The following APBB2 variants were observed in gnomAD, a reference collection of about 807,000 sequenced individuals.
The protein encoded by APBB2 is amyloid beta precursor protein binding family B member 2.
Under a neutral mutation model 82.5 loss-of-function variants are expected in APBB2, and 38 were observed. That is an observed-to-expected ratio of 0.46 (90% CI 0.36 to 0.60). The LOEUF is 0.60. APBB2 is among the 20% of genes least tolerant of loss of function. The pLI, the probability that APBB2 is intolerant of heterozygous loss-of-function variation, is 0.00. For missense variants in APBB2, 772 were observed against 972.3 expected (o/e 0.79, Z 2.74); for synonymous variants, 341 against 368.2 (o/e 0.93, Z 0.85).
At chr4:41,175,334 C>T (rs1769453151) in intron 1 of APBB2, among the ~76,000 whole-genome samples, 1 of 152,242 alleles carries the variant, frequency 6.6e-6, no homozygotes, top group South Asian at 2.1e-4. Context: ...TTTCAAAGTA[C>T]ACATTTAGAA....
intron 6 of APBB2, among the ~76,000 whole-genome samples, chr4:40,961,667 TAAA>T (rs60942744): frequency 0.075 from 5,048 of 67,668 alleles, 13 homozygotes; most frequent in East Asian, 0.15. Flanking sequence ...AAAAAAGATG[TAAA>T]AAAAAAAAAA....
intron 2 of APBB2, among the ~76,000 whole-genome samples, chr4:41,137,737 A>G (rs928321651): frequency 2.0e-5 from 3 of 152,208 alleles, no homozygotes; most frequent in African/African-American, 7.2e-5. Context: ...TTTCTACAAA[A>G]AAAGTCAAGT....
chr4:41,201,029 AG>A (rs1406741176), intron 1 of APBB2, among the ~76,000 whole-genome samples: 9 of 152,228 alleles, frequency 5.9e-5, no homozygotes, highest in African/African-American at 2.2e-4. Flanking sequence ...AGATTATAAC[AG>A]TATCTACCTC....
chr4:40,876,841 T>A (rs1424771076), intron 12 of APBB2, among the ~76,000 whole-genome samples: 1 of 152,268 alleles, frequency 6.6e-6, no homozygotes, highest in African/African-American at 2.4e-5. Context: ...TGGTTCCTTT[T>A]CACTGCTGTG....
chr4:41,022,725 G>T (rs1712163803), intron 5 of APBB2, among the ~76,000 whole-genome samples: 1 of 152,190 alleles, frequency 6.6e-6, no homozygotes, highest in African/African-American at 2.4e-5. Flanking sequence ...AATGTTTGGA[G>T]AATAAATCCT....
intron 2 of APBB2, among the ~76,000 whole-genome samples, chr4:41,140,964 GTAA>G (rs1475491574): frequency 6.6e-6 from 1 of 152,136 alleles, no homozygotes; most frequent in Non-Finnish European, 1.5e-5. Context: ...CCACAATGTA[GTAA>G]TAATAATAGA....
intron 4 of APBB2, among the ~76,000 whole-genome samples, chr4:41,038,039 TG>T (rs1260059056): frequency 6.6e-6 from 1 of 152,076 alleles, no homozygotes; most frequent in African/African-American, 2.4e-5. Flanking sequence ...GCTACCTAGG[TG>T]AAACAGTCTA....
At position 40,830,565 on chromosome 4, in the gene APBB2, A is replaced by G. The variant is rs1751526777; in HGVS notation, c.1542T>C (p.Tyr514=). The change falls in exon 13 of 18, where the codon TAT becomes TAC. Residue 514 remains tyrosine, a synonymous_variant. Coordinates refer to ENST00000508593, the MANE Select transcript of APBB2 (RefSeq NM_004307.2). ...TTCTTGTATCTTTATCTCTTGCTACATAAGCAAAATCCCTGTGCAAGCAAA... is the reference window on the plus strand; with the variant it reads ...TTCTTGTATCTTTATCTCTTGCTACGTAAGCAAAATCCCTGTGCAAGCAAA... ...VGRDNGRDFA[Y]VARDKDTRIL... is the part of the protein sequence containing the mutation. 1 of 1,611,300 alleles carries G rather than the reference A, an allele frequency of 6.2e-7. No homozygotes were observed. Among genetic ancestry groups the G allele is most frequent in the Non-Finnish European group, 8.5e-7 (1 of 1,177,442 alleles).
intron 4 of APBB2, among the ~76,000 whole-genome samples, chr4:41,043,814 G>A (rs1171951280): frequency 1.3e-5 from 2 of 152,110 alleles, no homozygotes; most frequent in African/African-American, 2.4e-5. Context: ...AATCTACATC[G>A]CCTCTATCCT....
chr4:40,962,281 A>G (rs1301693129), intron 6 of APBB2, among the ~76,000 whole-genome samples: 2 of 152,198 alleles, frequency 1.3e-5, no homozygotes, highest in African/African-American at 4.8e-5. Flanking sequence ...GCATAAGACA[A>G]TATTAGGTAA....
intron 15 of APBB2, 121 bp downstream of exon 15, chr4:40,825,766 C>T: frequency 1.3e-6 from 1 of 744,620 alleles, no homozygotes; most frequent in Non-Finnish European, 2.4e-6. Context: ...GACAGTGTGA[C>T]AGTTTGATTC....
chr4:41,095,678 G>C (rs905705535), intron 3 of APBB2, among the ~76,000 whole-genome samples: 56 of 152,160 alleles, frequency 3.7e-4, no homozygotes, highest in African/African-American at 1.3e-3. Flanking sequence ...AAGTGTGCTG[G>C]GTGGTTCTAA....
At chr4:40,860,724 C>T (rs1762556221) in intron 12 of APBB2, among the ~76,000 whole-genome samples, 1 of 152,158 alleles carries the variant, frequency 6.6e-6, no homozygotes, top group Non-Finnish European at 1.5e-5. Flanking sequence ...AGCACATTTC[C>T]TGACATACAG....
At chr4:40,885,824 A>G (rs1190394044) in intron 12 of APBB2, among the ~76,000 whole-genome samples, 2 of 152,212 alleles carry the variant, frequency 1.3e-5, no homozygotes, top group African/African-American at 4.8e-5. Context: ...GGTCCAGCCA[A>G]GCCTGGGAAA....
At chr4:41,179,450 C>G (rs1770741392) in intron 1 of APBB2, among the ~76,000 whole-genome samples, 2 of 152,096 alleles carry the variant, frequency 1.3e-5, no homozygotes, top group South Asian at 4.2e-4. Context: ...TAAAGTATCC[C>G]CAGGTCTACT....
intron 2 of APBB2, among the ~76,000 whole-genome samples, chr4:41,102,291 TG>T (rs1363769509): frequency 6.6e-6 from 1 of 152,208 alleles, no homozygotes; most frequent in East Asian, 1.9e-4. Flanking sequence ...TTATTACTAT[TG>T]CCATTGTTAC....
intron 5 of APBB2, among the ~76,000 whole-genome samples, chr4:41,020,565 G>A (rs1811207458): frequency 1.3e-5 from 2 of 152,156 alleles, no homozygotes; most frequent in Non-Finnish European, 2.9e-5. Context: ...TGGACTGAAC[G>A]AGATCTTATT....
intron 6 of APBB2, among the ~76,000 whole-genome samples, chr4:40,977,372 G>A (rs1797437031): frequency 6.6e-6 from 1 of 151,096 alleles, no homozygotes; most frequent in African/African-American, 2.4e-5. Context: ...CTGTGCACTG[G>A]CATAATCTCA....
At chr4:40,846,326 CA>C (rs3086182) in intron 12 of APBB2, among the ~76,000 whole-genome samples, 803 of 62,498 alleles carry the variant, frequency 0.013, 2 homozygotes, top group Middle Eastern at 0.043. Context: ...GAAAACACTC[CA>C]AAAAAAAAAA....
Sources: gnomAD v4.1 joint callset for allele counts (sites outside exome capture counted in the v4.1 genomes callset) on GRCh38, gnomAD v4.1.1 for gene constraint, MANE v1.5 for transcripts, NCBI Gene and HGNC (gene_info 2026-07-23, HGNC 2026-07-21) for gene names.